The following ZNF75A variants were observed in gnomAD, a reference collection of about 807,000 sequenced individuals.
ZNF75A encodes the protein zinc finger protein 75A.
ZNF75A carries 36 observed loss-of-function variants against 46.3 expected under a neutral mutation model. That is an observed-to-expected ratio of 0.78 (90% CI 0.60 to 1.03). The LOEUF (loss-of-function observed/expected upper bound fraction) is 1.03. Ranked by LOEUF, ZNF75A falls within the 50% of genes least tolerant of loss-of-function variation. ZNF75A has a pLI of 0.00. For missense variants in ZNF75A, 595 were observed against 551.3 expected, an observed-to-expected ratio of 1.08 and a Z score of -0.79; for synonymous variants, 234 against 189.9, an observed-to-expected ratio of 1.23 and a Z score of -1.91.
At chr16:3,312,073 C>G (rs1198257008) in intron 3 of ZNF75A, 125 bp downstream of exon 3, 1 of 292,242 alleles carries the variant, frequency 3.4e-6, no homozygotes, top group Non-Finnish European at 5.1e-6. Flanking sequence ...TTGATAGCAA[C>G]TATGATGTCC....
rs1349838554 is a variant in ZNF75A at position 3,318,554 on chromosome 16, A to G, written c.*685A>G. The G allele has an allele frequency of 2.0e-6, 2 of 985,470 alleles. No individual in the cohort carries two copies. The highest frequency in any genetic ancestry group is 1.2e-6 in the Non-Finnish European group (1 of 829,934). The allele number at this position is 985,470 out of a possible 1,614,324, so 61.0% of individuals were successfully genotyped here. A position where few individuals can be genotyped will look rare whatever the true frequency, so the allele number is the denominator to read the frequency against. On this transcript the variant is annotated 3_prime_UTR_variant, in exon 7 of 7. Coordinates refer to ENST00000669516, the MANE Select transcript of ZNF75A (RefSeq NM_001302109.2). ...TATTAGATGTAAAGAATTTTCTGCA[A>G]TAAAAGAAACTAGACTTGTTAATCC...
chr16:3,311,132 A>C (rs1354175861), intron 2 of ZNF75A, among the ~76,000 whole-genome samples: 1 of 152,174 alleles, frequency 6.6e-6, no homozygotes, highest in Non-Finnish European at 1.5e-5. Flanking sequence ...CTGACAAGAC[A>C]GTATTAGAAT....
At chr16:3,312,106 C>A in intron 3 of ZNF75A, 158 bp downstream of exon 3, 1 of 185,260 alleles carries the variant, frequency 5.4e-6, no homozygotes, top group Non-Finnish European at 1.0e-5. Context: ...GTAGAAATGC[C>A]AACTGTGGAT....
chr16:3,318,689 C>G lies in ZNF75A; in HGVS notation c.*820C>G, dbSNP rs914127787. On this transcript the variant is annotated 3_prime_UTR_variant, in exon 7 of 7. Coordinates refer to ENST00000669516, the MANE Select transcript of ZNF75A (RefSeq NM_001302109.2). ...TCAACTTCTCAGTTTTGTTTGTTTACTTTTTAATTGGCTTTTCTTTGTTGT... is the reference window on the plus strand; with the variant it reads ...TCAACTTCTCAGTTTTGTTTGTTTAGTTTTTAATTGGCTTTTCTTTGTTGT... 4.1e-6 allele frequency: 4 copies of G among 985,372 alleles called. No individual in the cohort carries two copies. The highest frequency in any genetic ancestry group is 4.8e-6 in the Non-Finnish European group (4 of 829,930). The allele number at this position is 985,372 out of a possible 1,614,324, so 61.0% of individuals were successfully genotyped here. A position where few individuals can be genotyped will look rare whatever the true frequency, so the allele number is the denominator to read the frequency against.
At position 3,316,740 on chromosome 16, in the gene ZNF75A, C is replaced by T. The variant is rs75232751; in HGVS notation, c.824-172C>T. On this transcript the variant is annotated intron_variant, in intron 5 of 6. Coordinates refer to ENST00000669516, the MANE Select transcript of ZNF75A (RefSeq NM_001302109.2). ...TCTTAGTCTCTGCTTTGCATAGCTACCTATAAGTATAACATAGTATAAACG... is the reference window on the plus strand; with the variant it reads ...TCTTAGTCTCTGCTTTGCATAGCTATCTATAAGTATAACATAGTATAAACG... The T allele has an allele frequency of 2.1e-3, 1,025 of 491,958 alleles. 11 individuals carry two copies. The highest frequency in any genetic ancestry group is 0.019 in the African/African-American group (939 of 50,192). The allele number at this position is 491,958 out of a possible 1,614,324, so 30.5% of individuals were successfully genotyped here.
intron 5 of ZNF75A, among the ~76,000 whole-genome samples, chr16:3,313,833 C>G (rs1006817858): frequency 6.6e-6 from 1 of 152,196 alleles, no homozygotes; most frequent in African/African-American, 2.4e-5. Context: ...ACTCTACAGT[C>G]TGGTTCCTGC....
downstream of ZNF75A, among the ~76,000 whole-genome samples, chr16:3,321,922 C>T (rs192146114): frequency 6.6e-6 from 1 of 152,312 alleles, no homozygotes; most frequent in East Asian, 1.9e-4. Context: ...GCCCAGCAGC[C>T]TCTTTTATCC....
downstream of ZNF75A, among the ~76,000 whole-genome samples, chr16:3,320,019 A>C (rs1010878077): frequency 6.6e-6 from 1 of 151,868 alleles, no homozygotes; most frequent in African/African-American, 2.4e-5. Context: ...CATTGGTGCT[A>C]TGTGTTTCTG....
In ZNF75A at chr16:3,318,285, T is replaced by C. The variant is rs1002024778; in HGVS notation, c.*416T>C. ...AAATTGGATTTTCTTTCTTTTGTCA[T>C]TGGACACGGTTTGCAAAGTTGGACA... On this transcript the variant is annotated 3_prime_UTR_variant, in exon 7 of 7. Transcript: ENST00000669516. The C allele has an allele frequency of 1.7e-5, 17 of 989,354 alleles. No homozygotes were observed. Among genetic ancestry groups the C allele is most frequent in the Admixed American group, 6.0e-5 (1 of 16,690 alleles). 61.3% of individuals were successfully genotyped at this position (989,354 alleles called of 1,614,324 possible).
At chr16:3,322,713 T>G (rs1434160162), downstream of ZNF75A, among the ~76,000 whole-genome samples, 1 of 152,192 alleles carries the variant, frequency 6.6e-6, no homozygotes. Context: ...CTAAGAAAGC[T>G]TACTGTTGAA....
rs201681615 is a variant in ZNF75A at position 3,317,281 on chromosome 16, G to A, written c.1026G>A (p.Lys342=). Reference sequence around the variant, plus strand: ...CATCAGCAGGCGTCATATCAAAAAAGGCCAAAGTAAAAGTTCCCCAGAAAA... The same window carrying A: ...CATCAGCAGGCGTCATATCAAAAAAAGCCAAAGTAAAAGTTCCCCAGAAAA... ...IQASAGVISK[K]AKVKVPQKTA... The change falls in exon 7 of 7, where the codon AAG becomes AAA. Residue 342 remains lysine (K), a synonymous_variant. Coordinates refer to ENST00000669516, the MANE Select transcript of ZNF75A (RefSeq NM_001302109.2). 21 of 1,614,010 alleles carry A rather than the reference G, an allele frequency of 1.3e-5. No individual in the cohort carries two copies. The East Asian group carries it at 4.7e-4, about 36-fold the overall frequency.
intron 5 of ZNF75A, among the ~76,000 whole-genome samples, chr16:3,314,553 G>GGGTA (rs1370889441): frequency 6.6e-6 from 1 of 152,204 alleles, no homozygotes; most frequent in Non-Finnish European, 1.5e-5. Context: ...AGAGGGAACT[G>GGGTA]GGTACCTCCT....
Position 3,317,854 on chromosome 16 carries a change from GA to G in ZNF75A, c.1602del (p.Lys534AsnfsTer82). 1.2e-6 allele frequency: 2 copies of G among 1,608,204 alleles called. No individual in the cohort carries two copies. Among genetic ancestry groups the G allele is most frequent in the Non-Finnish European group, 1.7e-6 (2 of 1,176,518 alleles). On this transcript the variant is annotated frameshift_variant, in exon 7 of 7. Coordinates refer to ENST00000669516, the MANE Select transcript of ZNF75A (RefSeq NM_001302109.2). LOFTEE classifies it high-confidence loss of function. ...GGCGGTCAAGCCTTCTTAGACACCAGAAACTCCACCTGTGAAGAGAAGCTTG... is the reference window on the plus strand; with the variant it reads ...GGCGGTCAAGCCTTCTTAGACACCAGAACTCCACCTGTGAAGAGAAGCTTG... ...SRRSSLLRHQ[K>X]LHL is the part of the protein sequence containing the mutation.
intron 1 of ZNF75A, chr16:3,306,516 AC>A (rs1443568271): frequency 6.6e-6 from 1 of 152,028 alleles, no homozygotes; most frequent in Non-Finnish European, 1.5e-5. Flanking sequence ...GATCGAGACC[AC>A]CCTGGCCAAG....
chr16:3,307,583 T>C (rs1472835786), intron 1 of ZNF75A: 1 of 152,156 alleles, frequency 6.6e-6, no homozygotes, highest in Non-Finnish European at 1.5e-5. Flanking sequence ...AGTGATGAGG[T>C]CATGGCTCAC....
intron 2 of ZNF75A, chr16:3,309,515 A>G (rs1294299970): frequency 6.6e-6 from 1 of 151,854 alleles, no homozygotes; most frequent in Non-Finnish European, 1.5e-5. Context: ...CACACCTGTA[A>G]TTCCAGCACT....
At position 3,313,815 on chromosome 16, in the gene ZNF75A, T is replaced by A. The variant is rs112220669; in HGVS notation, c.823+640T>A. Among the ~76,000 whole-genome samples, 357 of 152,314 alleles carry A rather than the reference T, an allele frequency of 2.3e-3. 2 individuals are homozygous for A. The highest frequency in any genetic ancestry group is 7.9e-3 in the African/African-American group (329 of 41,574). ...AAAAAAAGTCTGATATTACCAGGGC[T>A]CCAGGACACTCTACAGTCTGGTTCC... On this transcript the variant is annotated intron_variant, in intron 5 of 6. Transcript: ENST00000669516.
At chr16:3,310,761 T>C in intron 2 of ZNF75A, 1 of 985,402 alleles carries the variant, frequency 1.0e-6, no homozygotes, top group Non-Finnish European at 1.2e-6. Context: ...AATGCACTGA[T>C]GGGTAATGTC....
Position 3,318,038 on chromosome 16 carries a change from A to G in ZNF75A, c.*169A>G. On this transcript the variant is annotated 3_prime_UTR_variant, in exon 7 of 7. Coordinates refer to ENST00000669516, the MANE Select transcript of ZNF75A (RefSeq NM_001302109.2). ...AAGACTTGCTCTGCAGCCACTCAGT[A>G]GTCTTCTGTGGTCACAGAAGTAAAC... 8 of 1,408,104 alleles carry G rather than the reference A, an allele frequency of 5.7e-6. No homozygotes were observed. In the South Asian group the frequency reaches 1.2e-4, roughly 21 times the overall value. The allele number at this position is 1,408,104 out of a possible 1,614,324, so 87.2% of individuals were successfully genotyped here.
Sources: gnomAD v4.1 joint callset for allele counts (sites outside exome capture counted in the v4.1 genomes callset) on GRCh38, gnomAD v4.1.1 for gene constraint, MANE v1.5 for transcripts, NCBI Gene and HGNC (gene_info 2026-07-23, HGNC 2026-07-21) for gene names.